The following CP variants were observed in gnomAD, a reference collection of about 807,000 sequenced individuals.
CP encodes ceruloplasmin.
A neutral mutation model predicts 122.4 loss-of-function variants in CP; 64 were observed. The ratio of observed to expected loss-of-function variants is 0.52; its 90% confidence interval spans 0.43 to 0.64. The LOEUF is 0.64. Among genes scored for constraint, CP ranks in the 30% least tolerant of loss-of-function variants. CP has a pLI of 0.00. For synonymous variants in CP, 440 were observed against 436.4 expected, an observed-to-expected ratio of 1.01 and a Z score of -0.10; for missense variants, 1,167 against 1,284.4, an observed-to-expected ratio of 0.91 and a Z score of 1.40.
chr3:149,206,249 A>G lies in CP; in HGVS notation c.1127T>C (p.Ile376Thr), dbSNP rs1576772309. The G allele has an allele frequency of 1.2e-6, 2 of 1,614,038 alleles. No individual in the cohort carries two copies. The highest frequency in any genetic ancestry group is 1.7e-6 in the Non-Finnish European group (2 of 1,179,906). Residue 376 changes from isoleucine to threonine, a missense_variant, in exon 6 of 19, where the codon ATT (isoleucine) becomes ACT (threonine). Transcript: ENST00000264613. ...GTTCCAGATGATTTCCTCAGCGGCA[A>G]TGTAGTAGTGTCTAACATGCTTCCC... Reference protein sequence around the residue: ...IRGKHVRHYYIAAEEIIWNYA... With the variant: ...IRGKHVRHYYTAAEEIIWNYA...
intron 18 of CP, among the ~76,000 whole-genome samples, chr3:149,173,976 A>G (rs1208015762): frequency 1.3e-5 from 2 of 152,200 alleles, no homozygotes; most frequent in Admixed American, 1.3e-4. Context: ...CAATGGAGAC[A>G]CCTGGCAGAC....
chr3:149,212,400 C>T, intron 2 of CP, 51 bp downstream of exon 2: 2 of 1,605,682 alleles, frequency 1.2e-6, no homozygotes, highest in Non-Finnish European at 1.7e-6. Context: ...AGCTAAAAGG[C>T]ACTTCTACTG....
In CP at chr3:149,207,445, AG is replaced by A; in HGVS notation, c.953del (p.Pro318LeufsTer24). 1 of 1,614,030 alleles carries A rather than the reference AG, an allele frequency of 6.2e-7. No homozygotes were observed. The highest frequency in any genetic ancestry group is 8.5e-7 in the Non-Finnish European group (1 of 1,179,886). ...CCATATAAGCATCAAACAGGGTAGC[AG>A]GAAAGAGGTTGATTGTGTCAATACG... ...NYRIDTINLF[P>X]ATLFDAYMVA... On this transcript the variant is annotated frameshift_variant, in exon 5 of 19. Coordinates refer to ENST00000264613, the MANE Select transcript of CP (RefSeq NM_000096.4). LOFTEE classifies it high-confidence loss of function.
rs1239593630 is a variant in CP, at chr3:149,172,823, C to T, written c.*891G>A. 1 of 152,718 alleles carries T rather than the reference C, an allele frequency of 6.5e-6. No homozygotes were observed. The highest frequency in any genetic ancestry group is 2.4e-5 in the African/African-American group (1 of 41,424). The allele number at this position is 152,718 out of a possible 1,614,324, so 9.5% of individuals were successfully genotyped here. A position where few individuals can be genotyped will look rare whatever the true frequency, so the allele number is the denominator to read the frequency against. ...AGAAGTTTACAAAGCTAACTTTCTT[C>T]TTGTCTAGCTATTAACATGATTTGT... On this transcript the variant is annotated 3_prime_UTR_variant, in exon 19 of 19. Coordinates refer to ENST00000264613, the MANE Select transcript of CP (RefSeq NM_000096.4).
rs1258101585 is a variant in CP at position 149,207,413 on chromosome 3, T to C, written c.986A>G (p.Gln329Arg). The change falls in exon 5 of 19, where the codon CAG (glutamine) becomes CGG (arginine). Residue 329 changes from glutamine (Q) to arginine (R), a missense_variant. Gln to Arg is a conservative substitution (Grantham distance 43, BLOSUM62 1). Coordinates refer to ENST00000264613, the MANE Select transcript of CP (RefSeq NM_000096.4). ...ATLFDAYMVA[Q>R]NPGEWMLSCQ... ...GCTGAGCATCCATTCTCCAGGGTTC[T>C]GGGCCACCATATAAGCATCAAACAG... 6.2e-7 allele frequency: 1 copy of C among 1,614,032 alleles called. No individual in the cohort carries two copies. Among genetic ancestry groups the C allele is most frequent in the East Asian group, 2.2e-5 (1 of 44,884 alleles).
intron 6 of CP, among the ~76,000 whole-genome samples, chr3:149,203,883 A>G (rs1727519157): frequency 1.3e-5 from 2 of 152,160 alleles, no homozygotes. Context: ...ATTATGGAGC[A>G]TTTCTTTGAG....
intron 13 of CP, among the ~76,000 whole-genome samples, chr3:149,183,107 C>T (rs566218230): frequency 2.0e-5 from 3 of 152,070 alleles, no homozygotes; most frequent in Non-Finnish European, 4.4e-5. Context: ...GCTGAAATCA[C>T]ACCACTACAC....
chr3:149,198,336 G>A, intron 9 of CP, 31 bp downstream of exon 9: 7 of 1,547,192 alleles, frequency 4.5e-6, no homozygotes, highest in Non-Finnish European at 6.3e-6. Context: ...CAAAGAGATT[G>A]AACAATTTTT....
At chr3:149,204,355 T>C (rs1237648871) in intron 6 of CP, among the ~76,000 whole-genome samples, 3 of 151,932 alleles carry the variant, frequency 2.0e-5, no homozygotes, top group East Asian at 3.9e-4. Flanking sequence ...CAGAGATGAG[T>C]TCATAGGTAT....
downstream of CP, chr3:149,172,212 C>G: frequency 6.2e-7 from 1 of 1,612,294 alleles, no homozygotes; most frequent in Non-Finnish European, 8.5e-7. Flanking sequence ...CGAAAGAAAC[C>G]ATTGACTTAA....
chr3:149,164,672 C>G (rs1268570052), intron 5 of CP, among the ~76,000 whole-genome samples: 1 of 152,158 alleles, frequency 6.6e-6, no homozygotes, highest in South Asian at 2.1e-4. Flanking sequence ...AGTTTCAAGT[C>G]ACTCTTGAAA....
chr3:149,201,338 G>A (rs1311823010), intron 7 of CP, among the ~76,000 whole-genome samples: 3 of 151,838 alleles, frequency 2.0e-5, no homozygotes, highest in Admixed American at 6.6e-5. Flanking sequence ...AGCCAGGATG[G>A]TCTCGATCTC....
chr3:149,175,583 C>T (rs577228868), intron 18 of CP, among the ~76,000 whole-genome samples: 14 of 151,866 alleles, frequency 9.2e-5, no homozygotes, highest in Non-Finnish European at 1.8e-4. Context: ...ATCCTCAACT[C>T]GAAAGACCCA....
chr3:149,194,067 G>T (rs183213778), intron 9 of CP, among the ~76,000 whole-genome samples: 4 of 152,212 alleles, frequency 2.6e-5, no homozygotes, highest in African/African-American at 9.6e-5. Context: ...ATAGCCTCTC[G>T]TGTTGTTGCA....
Position 149,178,591 on chromosome 3 carries a change from C to T in CP, c.2702G>A (p.Arg901Gln), listed in dbSNP as rs199923182. 18 of 1,612,956 alleles carry T rather than the reference C, an allele frequency of 1.1e-5. No individual in the cohort carries two copies. The African/African-American group carries it at 1.2e-4, about 11-fold the overall frequency. Residue 901 changes from arginine (R) to glutamine (Q), a missense_variant, in exon 16 of 19, where the codon CGA (arginine) becomes CAA (glutamine). Physicochemically the swap from Arg to Gln is conservative, Grantham distance 43. Around this residue, in one of 2 missense-constraint regions of CP, gnomAD observed 525 missense variants for 657.2 expected, o/e 0.80. Coordinates refer to ENST00000264613, the MANE Select transcript of CP (RefSeq NM_000096.4). ...ATTGAATACTTTCAAGTAAGGTCTT[C>T]GACAAACAATCAGGGGGCCAATTAA... ...SGLIGPLIVC[R>Q]RPYLKVFNPR...
At position 149,176,276 on chromosome 3, in the gene CP, G is replaced by A; in HGVS notation, c.3155C>T (p.Thr1052Ile). ...TTCATTTTGTAGAACGGTGTAAGTG[G>A]TTTCCATTCCAGCATGAATGTGGTC... ...VTDHIHAGME[T>I]TYTVLQNEDT... Residue 1052 changes from threonine (T) to isoleucine (I), a missense_variant, in exon 18 of 19, where the codon ACC (threonine) becomes ATC (isoleucine). Around this residue, in one of 2 missense-constraint regions of CP, gnomAD observed 525 missense variants for 657.2 expected, o/e 0.80. Transcript: ENST00000264613. 6.2e-7 allele frequency: 1 copy of A among 1,612,672 alleles called. No homozygotes were observed. Among genetic ancestry groups the A allele is most frequent in the Non-Finnish European group, 8.5e-7 (1 of 1,179,588 alleles).
chr3:149,170,128 G>A (rs1724828693), downstream of CP, among the ~76,000 whole-genome samples: 1 of 152,184 alleles, frequency 6.6e-6, no homozygotes, highest in African/African-American at 2.4e-5. Flanking sequence ...TTAAAGAGAA[G>A]TTATACATGA....
intron 9 of CP, among the ~76,000 whole-genome samples, 170 bp downstream of exon 9, chr3:149,198,197 T>G (rs1396255038): frequency 1.3e-5 from 2 of 152,224 alleles, no homozygotes; most frequent in East Asian, 3.8e-4. Flanking sequence ...ATGTGTGTTA[T>G]TATTATTTTA....
At chr3:149,187,343 G>T (rs1441457072) in intron 10 of CP, among the ~76,000 whole-genome samples, 3 of 152,088 alleles carry the variant, frequency 2.0e-5, no homozygotes, top group Admixed American at 2.0e-4. Flanking sequence ...AACTTTACAT[G>T]TTTTTCTTCT....
Sources: allele counts gnomAD v4.1 joint callset (sites outside exome capture counted in the v4.1 genomes callset), GRCh38; gene constraint gnomAD v4.1.1; regional missense constraint gnomAD v4.1.1; transcripts MANE v1.5; gene names NCBI Gene and HGNC (gene_info 2026-07-23, HGNC 2026-07-21).